The following SLC16A10 variants were observed in gnomAD, a reference collection of about 807,000 sequenced individuals.
SLC16A10 encodes the protein solute carrier family 16 member 10.
Under a neutral mutation model 40.0 loss-of-function variants are expected in SLC16A10, and 27 were observed. The ratio of observed to expected loss-of-function variants is 0.67; its 90% CI spans 0.50 to 0.93. SLC16A10 has a LOEUF of 0.93. Among genes scored for constraint, SLC16A10 ranks in the 40% least tolerant of loss-of-function variants. SLC16A10 has a pLI of 0.00. For missense variants in SLC16A10, 529 were observed against 658.2 expected (o/e 0.80, Z 2.15); for synonymous variants, 213 against 249.8 (o/e 0.85, Z 1.39).
At chr6:111,095,467 G>T (rs984741176) in intron 1 of SLC16A10, among the ~76,000 whole-genome samples, 3 of 152,222 alleles carry the variant, frequency 2.0e-5, no homozygotes, top group Admixed American at 1.3e-4. Flanking sequence ...GGTAGACAGA[G>T]AACCTGATTT....
In SLC16A10 at chr6:111,218,808, T is replaced by C. The variant is rs1770831099; in HGVS notation, c.1087-6T>C. The C allele has an allele frequency of 6.2e-7, 1 of 1,613,326 alleles. No individual in the cohort carries two copies. The highest frequency in any genetic ancestry group is 1.7e-5 in the Admixed American group (1 of 60,000). ...AGCGGAGCTGACCTTGTGGTGTCCGTCCTAGGTACTCTCCTTTTTCTTCAT... is the reference window on the plus strand; with the variant it reads ...AGCGGAGCTGACCTTGTGGTGTCCGCCCTAGGTACTCTCCTTTTTCTTCAT... On this transcript the variant is annotated splice_region_variant and splice_polypyrimidine_tract_variant and intron_variant, in intron 4 of 5. Coordinates refer to ENST00000368851, the MANE Select transcript of SLC16A10 (RefSeq NM_018593.5).
intron 4 of SLC16A10, among the ~76,000 whole-genome samples, chr6:111,211,927 A>C (rs354546): frequency 2.6e-5 from 4 of 151,980 alleles, no homozygotes; most frequent in African/African-American, 9.7e-5. Flanking sequence ...CCTTCTTTCC[A>C]TTCATTGGTG....
At chr6:111,163,399 G>A (rs1020602539) in intron 1 of SLC16A10, among the ~76,000 whole-genome samples, 6 of 151,808 alleles carry the variant, frequency 4.0e-5, no homozygotes, top group African/African-American at 7.3e-5. Flanking sequence ...TGATCCGCCC[G>A]CCTCGGCCTC....
In SLC16A10 at chr6:111,230,600, T is replaced by C. The variant is rs1771097132; in HGVS notation, c.*8365T>C. 2 of 152,226 alleles carry C rather than the reference T, an allele frequency of 1.3e-5. No homozygotes were observed. The highest frequency in any genetic ancestry group is 4.8e-5 in the African/African-American group (2 of 41,464). The allele number at this position is 152,226 out of a possible 1,614,324, so 9.4% of individuals were successfully genotyped here. On this transcript the variant is annotated 3_prime_UTR_variant, in exon 6 of 6. Coordinates refer to ENST00000368851, the MANE Select transcript of SLC16A10 (RefSeq NM_018593.5). ...TGAGATGTGTAAGATTGTAGAGGCA[T>C]TGCACAATGCTTGATAAAAGTTGCA... is the stretch of plus-strand genomic sequence containing the variant.
intron 1 of SLC16A10, among the ~76,000 whole-genome samples, chr6:111,156,544 C>T (rs1169922099): frequency 6.6e-6 from 1 of 152,186 alleles, no homozygotes; most frequent in Non-Finnish European, 1.5e-5. Context: ...CAGACAAATC[C>T]TAATTGAGGG....
rs558439827 is a variant in SLC16A10 at position 111,134,285 on chromosome 6, A to C, written c.344-38410A>C. Among the ~76,000 whole-genome samples, 14 of 152,364 alleles carry C rather than the reference A, an allele frequency of 9.2e-5. No homozygotes were observed. The East Asian group carries it at 2.3e-3, about 25-fold the overall frequency. ...GCCTATGAATTATTCAATGATGTCC[A>C]CTATAACACAGGGAAAGAAAGAAAA... On this transcript the variant is annotated intron_variant, in intron 1 of 5. Coordinates refer to ENST00000368851, the MANE Select transcript of SLC16A10 (RefSeq NM_018593.5).
At position 111,135,228 on chromosome 6, in the gene SLC16A10, A is replaced by G. The variant is rs147535281; in HGVS notation, c.344-37467A>G. ...CTGAAGTCTGGGCAACAGAAGGACAATACGGATGAGCAAAGAATGCCCATC... is the reference window on the plus strand; with the variant it reads ...CTGAAGTCTGGGCAACAGAAGGACAGTACGGATGAGCAAAGAATGCCCATC... On this transcript the variant is annotated intron_variant, in intron 1 of 5. Transcript: ENST00000368851. Among the ~76,000 whole-genome samples, 388 of 152,288 alleles carry G rather than the reference A, an allele frequency of 2.5e-3. 2 individuals are homozygous for G. The highest frequency in any genetic ancestry group is 8.8e-3 in the African/African-American group (367 of 41,552).
intron 1 of SLC16A10, among the ~76,000 whole-genome samples, chr6:111,115,290 A>G (rs1467885782): frequency 6.6e-6 from 1 of 152,220 alleles, no homozygotes; most frequent in Non-Finnish European, 1.5e-5. Flanking sequence ...GGCTCACTGC[A>G]ACCTCTGCCT....
At position 111,219,931 on chromosome 6, in the gene SLC16A10, A is replaced by G. The variant is rs1011638587; in HGVS notation, c.1315+889A>G. Among the ~76,000 whole-genome samples, 4 of 152,132 alleles carry G rather than the reference A, an allele frequency of 2.6e-5. No homozygotes were observed. The East Asian group carries it at 7.7e-4, about 29-fold the overall frequency. On this transcript the variant is annotated intron_variant, in intron 5 of 5. Coordinates refer to ENST00000368851, the MANE Select transcript of SLC16A10 (RefSeq NM_018593.5). ...CTTGTCTCTACTAAAAATAAAAAAA[A>G]TTAGCCTGGCATGGTGACACATACT...
chr6:111,126,201 C>T (rs1321660978), intron 1 of SLC16A10, among the ~76,000 whole-genome samples: 2 of 152,094 alleles, frequency 1.3e-5, no homozygotes, highest in African/African-American at 2.4e-5. Context: ...TTGAAGACTG[C>T]TTAAAACAGT....
At position 111,101,098 on chromosome 6, in the gene SLC16A10, A is replaced by G. The variant is rs578041150; in HGVS notation, c.343+13003A>G. ...CAGGCTGGAGTGCAGTGGTGGGATCATGGCTCACTGCAGCCTCGACCTCCT... is the reference window on the plus strand; with the variant it reads ...CAGGCTGGAGTGCAGTGGTGGGATCGTGGCTCACTGCAGCCTCGACCTCCT... On this transcript the variant is annotated intron_variant, in intron 1 of 5. Transcript: ENST00000368851. Among the ~76,000 whole-genome samples the G allele has an allele frequency of 2.0e-5, 3 of 150,562 alleles. No individual in the cohort carries two copies. The East Asian group carries it at 5.9e-4, about 29-fold the overall frequency.
At chr6:111,218,336 T>C (rs1278314798) in intron 4 of SLC16A10, among the ~76,000 whole-genome samples, 1 of 152,158 alleles carries the variant, frequency 6.6e-6, no homozygotes, top group Non-Finnish European at 1.5e-5. Flanking sequence ...TCCCAGCACT[T>C]TGGGAGGCCG....
chr6:111,171,346 A>C (rs955078452), intron 1 of SLC16A10, among the ~76,000 whole-genome samples: 1 of 152,178 alleles, frequency 6.6e-6, no homozygotes, highest in African/African-American at 2.4e-5. Flanking sequence ...TGGTGAGGGA[A>C]GAAAGAAAAT....
intron 1 of SLC16A10, among the ~76,000 whole-genome samples, chr6:111,136,869 G>A (rs1771889162): frequency 6.6e-6 from 1 of 152,192 alleles, no homozygotes; most frequent in South Asian, 2.1e-4. Context: ...GAAGGAAAAA[G>A]GGCAAATATA....
intron 1 of SLC16A10, among the ~76,000 whole-genome samples, chr6:111,122,985 G>A (rs1158638373): frequency 1.3e-5 from 2 of 151,870 alleles, no homozygotes; most frequent in Non-Finnish European, 2.9e-5. Flanking sequence ...AATAAACATT[G>A]CCTCATCTGT....
chr6:111,155,929 C>T (rs555502589), intron 1 of SLC16A10, among the ~76,000 whole-genome samples: 13 of 152,212 alleles, frequency 8.5e-5, no homozygotes, highest in Non-Finnish European at 1.6e-4. Flanking sequence ...AACCAGGGCT[C>T]CTTGCAGAAA....
At chr6:111,162,766 C>G (rs1772393224) in intron 1 of SLC16A10, among the ~76,000 whole-genome samples, 1 of 152,192 alleles carries the variant, frequency 6.6e-6, no homozygotes, top group Non-Finnish European at 1.5e-5. Flanking sequence ...CTATAGATAG[C>G]TCAACATGAA....
intron 1 of SLC16A10, among the ~76,000 whole-genome samples, chr6:111,148,519 A>G (rs892149082): frequency 6.6e-6 from 1 of 152,220 alleles, no homozygotes; most frequent in Non-Finnish European, 1.5e-5. Flanking sequence ...TTGATTCATC[A>G]AGATAGAAAT....
At chr6:111,190,641 C>T (rs1365390137) in intron 3 of SLC16A10, among the ~76,000 whole-genome samples, 4 of 152,232 alleles carry the variant, frequency 2.6e-5, no homozygotes, top group Non-Finnish European at 5.9e-5. Context: ...TTCTGTGCAC[C>T]CGCAGACTCA....
Sources: allele counts gnomAD v4.1 joint callset (sites outside exome capture counted in the v4.1 genomes callset), GRCh38; gene constraint gnomAD v4.1.1; transcripts MANE v1.5; gene names NCBI Gene and HGNC (gene_info 2026-07-23, HGNC 2026-07-21).